The following RAP1GAP2 variants were observed in gnomAD, a reference collection of about 807,000 sequenced individuals.
The protein encoded by RAP1GAP2 is RAP1 GTPase activating protein 2.
RAP1GAP2 carries 27 observed loss-of-function variants against 95.0 expected under a neutral mutation model. The observed-to-expected ratio is 0.28, with a 90% CI of 0.21 to 0.39. The LOEUF is 0.39. RAP1GAP2 is among the 10% of genes least tolerant of loss of function. The pLI, the probability that RAP1GAP2 is intolerant of heterozygous loss-of-function variation, is 1.00. For missense variants in RAP1GAP2, 771 were observed against 970.0 expected (o/e 0.79, Z 2.72); for synonymous variants, 373 against 380.9 (o/e 0.98, Z 0.24).
rs569350187 is a variant in RAP1GAP2 at position 2,901,359 on chromosome 17, TTC to T, written c.81-3920_81-3919del. 2.9e-3 allele frequency among the ~76,000 whole-genome samples: 449 copies of T among 152,316 alleles called. 2 individuals carry two copies. Among genetic ancestry groups the T allele is most frequent in the African/African-American group, 0.01 (419 of 41,568 alleles). On this transcript the variant is annotated intron_variant, in intron 2 of 24. Transcript: ENST00000254695. ...AATCTTCCTCTTCTCTTCCTCTGGC[TTC>T]TCTCCATCCTCCTTTTCCCTTCTCT...
Position 2,985,666 on chromosome 17 carries a change from C to T in RAP1GAP2, c.813+600C>T, listed in dbSNP as rs138331548. Among the ~76,000 whole-genome samples, 378 of 152,278 alleles carry T rather than the reference C, an allele frequency of 2.5e-3. 2 individuals are homozygous for T. Among genetic ancestry groups the T allele is most frequent in the African/African-American group, 8.4e-3 (350 of 41,560 alleles). The stretch of plus-strand genomic sequence containing the variant: ...GCCTCTGTGTTTTGTAGCCCTCACA[C>T]GTTGCTTTGGAGTTAACTGGCCAGA... On this transcript the variant is annotated intron_variant, in intron 11 of 24. Transcript: ENST00000254695.
chr17:2,892,898 A>G (rs1269546443), intron 2 of RAP1GAP2, among the ~76,000 whole-genome samples: 1 of 152,072 alleles, frequency 6.6e-6, no homozygotes, highest in Admixed American at 6.5e-5. Context: ...TCTTTCTGGG[A>G]ACTTTCTTGG....
chr17:2,979,861 C>A (rs1016991009), intron 8 of RAP1GAP2, among the ~76,000 whole-genome samples: 1 of 152,038 alleles, frequency 6.6e-6, no homozygotes, highest in East Asian at 1.9e-4. Context: ...CACCTGAGGC[C>A]GATCTGGCCT....
rs2042063726 is a variant in RAP1GAP2 at position 2,902,679 on chromosome 17, C to T, written c.81-2605C>T. On this transcript the variant is annotated intron_variant, in intron 2 of 24. Transcript: ENST00000254695. The surrounding 1 kb of genome is among the most constrained non-coding windows in gnomAD (Gnocchi z 4.1). ...AGCTCCCAGGCATCATTTGGGAAAT[C>T]CTTCTGGTCAGAAGCTGCCATGTGC... is the stretch of plus-strand genomic sequence containing the variant. Among the ~76,000 whole-genome samples, 1 of 152,164 alleles carries T rather than the reference C, an allele frequency of 6.6e-6. No individual in the cohort carries two copies. The highest frequency in any genetic ancestry group is 2.1e-4 in the South Asian group (1 of 4,828).
chr17:2,938,177 C>A (rs2043362071), intron 3 of RAP1GAP2, among the ~76,000 whole-genome samples: 1 of 152,160 alleles, frequency 6.6e-6, no homozygotes, highest in East Asian at 1.9e-4. Flanking sequence ...AGCCACTTTG[C>A]AGAGTGGCTT....
At chr17:2,791,857 CTTTTTTTTTT>C (rs530185952), upstream of RAP1GAP2, among the ~76,000 whole-genome samples, 1 of 136,032 alleles carries the variant, frequency 7.4e-6, no homozygotes, top group South Asian at 2.3e-4. Flanking sequence ...CCTTTTCTCT[CTTTTTTTTTT>C]TTTTTTTTTT....
intron 3 of RAP1GAP2, among the ~76,000 whole-genome samples, chr17:2,925,205 A>G (rs1004795015): frequency 3.9e-5 from 6 of 152,190 alleles, no homozygotes; most frequent in African/African-American, 1.4e-4. Context: ...GGCCGTGAGG[A>G]GGCAAAAACC....
chr17:2,888,729 G>A (rs1404598220), intron 2 of RAP1GAP2, among the ~76,000 whole-genome samples: 1 of 145,384 alleles, frequency 6.9e-6, no homozygotes, highest in Non-Finnish European at 1.5e-5. Context: ...TCAGCTTGCT[G>A]CAACCTCCGC....
intron 3 of RAP1GAP2, among the ~76,000 whole-genome samples, chr17:2,927,833 G>T (rs191680257): frequency 6.6e-6 from 1 of 152,206 alleles, no homozygotes; most frequent in Non-Finnish European, 1.5e-5. Flanking sequence ...GTGGGATTCC[G>T]TAGTTCTGGG....
At chr17:2,806,872 C>T (rs541966001) in intron 2 of RAP1GAP2, among the ~76,000 whole-genome samples, 57 of 151,982 alleles carry the variant, frequency 3.8e-4, no homozygotes, top group African/African-American at 1.2e-3. Flanking sequence ...TTAGTACAGA[C>T]GGGGTTTTGC....
chr17:2,812,667 A>C (rs11657759), intron 2 of RAP1GAP2, among the ~76,000 whole-genome samples: 64,532 of 151,754 alleles, frequency 0.43, 14,154 homozygotes, highest in Non-Finnish European at 0.49. Context: ...CTTTTCTACA[A>C]TTTGGTTTCA....
At chr17:2,772,500 T>C (rs933788151), upstream of RAP1GAP2, among the ~76,000 whole-genome samples, 5 of 152,056 alleles carry the variant, frequency 3.3e-5, no homozygotes, top group African/African-American at 1.2e-4. Flanking sequence ...GTCTCCCTAT[T>C]GTGCCCAGGC....
chr17:3,029,883 T>A lies in RAP1GAP2; in HGVS notation c.2108-1039T>A, dbSNP rs1162162069. Among the ~76,000 whole-genome samples, 1 of 151,982 alleles carries A rather than the reference T, an allele frequency of 6.6e-6. No individual in the cohort carries two copies. Among genetic ancestry groups the A allele is most frequent in the African/African-American group, 2.4e-5 (1 of 41,386 alleles). On this transcript the variant is annotated intron_variant, in intron 22 of 24. Coordinates refer to ENST00000254695, the MANE Select transcript of RAP1GAP2 (RefSeq NM_015085.5). This position sits in a 1 kb window ranked among gnomAD's most constrained non-coding sequence, Gnocchi z 4.4. ...ACTAGATAATATTCTTTACCATAAGTCCCATATGTCCAACTGATTCTCACA... is the reference window on the plus strand; with the variant it reads ...ACTAGATAATATTCTTTACCATAAGACCCATATGTCCAACTGATTCTCACA...
At position 2,985,209 on chromosome 17, in the gene RAP1GAP2, A is replaced by G. The variant is rs908511894; in HGVS notation, c.813+143A>G. On this transcript the variant is annotated intron_variant, in intron 11 of 24. Coordinates refer to ENST00000254695, the MANE Select transcript of RAP1GAP2 (RefSeq NM_015085.5). ...CGGTCACATTTAAGGTATGAATTAG[A>G]CTGGAGGTGGCAGAACTTTCCAGCA... 15 of 1,408,106 alleles carry G rather than the reference A, an allele frequency of 1.1e-5. No individual in the cohort carries two copies. In the Admixed American group the frequency reaches 2.3e-4, roughly 21 times the overall value. The allele number at this position is 1,408,106 out of a possible 1,614,324, so 87.2% of individuals were successfully genotyped here. A position where few individuals can be genotyped will look rare whatever the true frequency, so the allele number is the denominator to read the frequency against.
At position 3,004,297 on chromosome 17, in the gene RAP1GAP2, C is replaced by T. The variant is rs971818207; in HGVS notation, c.1201-1072C>T. The stretch of plus-strand genomic sequence containing the variant: ...GCCTGGAGCTTGAGAAGAGAAAGCC[C>T]GTATTGACCAGCTCTCTCCCGCTCC... On this transcript the variant is annotated intron_variant, in intron 14 of 24. Coordinates refer to ENST00000254695, the MANE Select transcript of RAP1GAP2 (RefSeq NM_015085.5). This position sits in a 1 kb window ranked among gnomAD's most constrained non-coding sequence, Gnocchi z 4.1. Among the ~76,000 whole-genome samples the T allele has an allele frequency of 1.3e-5, 2 of 152,230 alleles. No homozygotes were observed. The highest frequency in any genetic ancestry group is 2.9e-5 in the Non-Finnish European group (2 of 68,034).
chr17:2,901,591 T>C (rs748286047), intron 2 of RAP1GAP2, among the ~76,000 whole-genome samples: 1 of 152,210 alleles, frequency 6.6e-6, no homozygotes, highest in Non-Finnish European at 1.5e-5. Context: ...CGGCTAAGGA[T>C]TTACCTTTTG....
chr17:2,875,010 C>T lies in RAP1GAP2; in HGVS notation c.81-30274C>T, dbSNP rs577731529. On this transcript the variant is annotated intron_variant, in intron 2 of 24. Coordinates refer to ENST00000254695, the MANE Select transcript of RAP1GAP2 (RefSeq NM_015085.5). ...CAAAGTTGAGGACAGCTGCCAGGGA[C>T]GCTTCAAAATTACCTTGGGGACGGC... is the stretch of plus-strand genomic sequence containing the variant. Among the ~76,000 whole-genome samples, 7 of 152,286 alleles carry T rather than the reference C, an allele frequency of 4.6e-5. No individual in the cohort carries two copies. In the East Asian group the frequency reaches 9.6e-4, roughly 21 times the overall value.
intron 20 of RAP1GAP2, 37 bp downstream of exon 20, chr17:3,026,158 A>G: frequency 2.0e-6 from 3 of 1,519,454 alleles, no homozygotes; most frequent in Non-Finnish European, 2.7e-6. Flanking sequence ...AGCTTCGGCC[A>G]CGTGGAGCCC....
intron 2 of RAP1GAP2, among the ~76,000 whole-genome samples, chr17:2,838,416 C>T (rs1367288460): frequency 6.6e-6 from 1 of 152,068 alleles, no homozygotes; most frequent in African/African-American, 2.4e-5. Context: ...GTGGTGTGTG[C>T]TGCCCTGCAA....
Sources: allele counts gnomAD v4.1 joint callset (sites outside exome capture counted in the v4.1 genomes callset), GRCh38; gene constraint gnomAD v4.1.1; non-coding constraint Gnocchi (gnomAD v3.1); transcripts MANE v1.5; gene names NCBI Gene and HGNC (gene_info 2026-07-23, HGNC 2026-07-21).